NSMCE1: variants seen among roughly 807,000 people sequenced by gnomAD.
The protein encoded by NSMCE1 is NSE1 component of SMC5/6 complex, also known as non-structural maintenance of chromosomes element 1 homolog.
Under a neutral mutation model 29.6 loss-of-function variants are expected in NSMCE1, and 18 were observed. The ratio of observed to expected loss-of-function variants is 0.61; its 90% CI spans 0.42 to 0.90. The LOEUF (loss-of-function observed/expected upper bound fraction) is 0.90. Among genes scored for constraint, NSMCE1 ranks in the 40% least tolerant of loss-of-function variants. NSMCE1 has a pLI of 0.00. For missense variants in NSMCE1, 314 were observed against 343.6 expected, an observed-to-expected ratio of 0.91 and a Z score of 0.68; for synonymous variants, 124 against 133.4, an observed-to-expected ratio of 0.93 and a Z score of 0.49.
chr16:27,234,576 A>C (rs1278070460), intron 3 of NSMCE1, among the ~76,000 whole-genome samples: 1 of 152,268 alleles, frequency 6.6e-6, no homozygotes, highest in Non-Finnish European at 1.5e-5. Flanking sequence ...AGCACTGAGA[A>C]GTCTGATAGC....
intron 2 of NSMCE1, among the ~76,000 whole-genome samples, chr16:27,248,314 C>T (rs1440140376): frequency 6.6e-6 from 1 of 152,048 alleles, no homozygotes; most frequent in Non-Finnish European, 1.5e-5. Context: ...TCCAGTTCCT[C>T]CATGTTCTCA....
intron 5 of NSMCE1, among the ~76,000 whole-genome samples, chr16:27,228,547 T>C (rs1480202698): frequency 7.1e-6 from 1 of 140,342 alleles, no homozygotes; most frequent in African/African-American, 2.8e-5. Flanking sequence ...CCCACCCTCT[T>C]CCACCCTCCC....
intron 5 of NSMCE1, among the ~76,000 whole-genome samples, 161 bp from the exon 6 acceptor site, chr16:27,226,997 G>A (rs1596667847): frequency 6.6e-6 from 1 of 152,274 alleles, no homozygotes; most frequent in East Asian, 1.9e-4. Flanking sequence ...CATCCCCCTG[G>A]CAGAGCCTCG....
chr16:27,237,971 C>T (rs140235637), intron 2 of NSMCE1, among the ~76,000 whole-genome samples: 12 of 152,356 alleles, frequency 7.9e-5, no homozygotes, highest in Admixed American at 2.6e-4. Flanking sequence ...CCACACGCTT[C>T]CTGCATCAGG....
rs1555477430 is a variant in NSMCE1 at position 27,251,207 on chromosome 16, T to TATATATAA, written c.136+6227_136+6228insTTATATAT. ...ATATATATAAATATATATATATATA[T>TATATATAA]AAAACTCTGTAGAGTTCAGACTCCT... On this transcript the variant is annotated intron_variant, in intron 2 of 7. Transcript: ENST00000361439. Among the ~76,000 whole-genome samples, 513 of 70,560 alleles carry TATATATAA rather than the reference T, an allele frequency of 7.3e-3. 7 individuals are homozygous for TATATATAA. Among genetic ancestry groups the TATATATAA allele is most frequent in the South Asian group, 0.015 (27 of 1,786 alleles). 46.3% of individuals were successfully genotyped at this position (70,560 alleles called of 152,430 possible).
intron 6 of NSMCE1, 64 bp downstream of exon 6, chr16:27,226,656 C>A: frequency 9.5e-7 from 1 of 1,055,390 alleles, no homozygotes; most frequent in Non-Finnish European, 1.5e-6. Flanking sequence ...CCGGGAAGTA[C>A]CTGTACAGAG....
intron 2 of NSMCE1, among the ~76,000 whole-genome samples, chr16:27,255,681 G>A (rs1212258980): frequency 2.6e-5 from 4 of 152,060 alleles, no homozygotes; most frequent in Non-Finnish European, 4.4e-5. Context: ...CGTCTAACAC[G>A]CCACCTTCTT....
rs1320177357 is a variant in NSMCE1, at chr16:27,232,104, G to A, written c.483+897C>T. On this transcript the variant is annotated intron_variant, in intron 5 of 7. Coordinates refer to ENST00000361439, the MANE Select transcript of NSMCE1 (RefSeq NM_145080.4). This position sits in a 1 kb window ranked among gnomAD's most constrained non-coding sequence, Gnocchi z 4.5. ...GAACACAGACTTCCCCAACCCAGAC[G>A]CGAGCCTTCCTGAAAAGGAAGCGGA... Among the ~76,000 whole-genome samples, 3 of 152,072 alleles carry A rather than the reference G, an allele frequency of 2.0e-5. No homozygotes were observed. Among genetic ancestry groups the A allele is most frequent in the Non-Finnish European group, 2.9e-5 (2 of 68,016 alleles).
rs1287989161 is a variant in NSMCE1 at position 27,232,287 on chromosome 16, AG to A, written c.483+713del. 6.6e-6 allele frequency among the ~76,000 whole-genome samples: 1 copy of A among 152,068 alleles called. No homozygotes were observed. The highest frequency in any genetic ancestry group is 1.5e-5 in the Non-Finnish European group (1 of 67,980). On this transcript the variant is annotated intron_variant, in intron 5 of 7. Transcript: ENST00000361439. This position sits in a 1 kb window ranked among gnomAD's most constrained non-coding sequence, Gnocchi z 4.5. Reference sequence around the variant, plus strand: ...CGGCAAACACTGAGCTGTTGAAAACAGGGGTGCCTTTTGTGGAAAAAGAACT... The same window carrying A: ...CGGCAAACACTGAGCTGTTGAAAACAGGGTGCCTTTTGTGGAAAAAGAACT...
intron 2 of NSMCE1, among the ~76,000 whole-genome samples, chr16:27,239,235 T>A (rs2083862965): frequency 1.3e-5 from 2 of 152,154 alleles, no homozygotes; most frequent in Admixed American, 6.5e-5. Context: ...ATCCTTATGA[T>A]GTCCACTAAG....
At chr16:27,246,570 C>A (rs2083960737) in intron 2 of NSMCE1, among the ~76,000 whole-genome samples, 1 of 152,146 alleles carries the variant, frequency 6.6e-6, no homozygotes, top group Admixed American at 6.5e-5. Context: ...GGCTCACTGC[C>A]ACCTCTGCCT....
chr16:27,236,460 C>A (rs2083826929), intron 2 of NSMCE1, among the ~76,000 whole-genome samples: 1 of 152,022 alleles, frequency 6.6e-6, no homozygotes, highest in Non-Finnish European at 1.5e-5. Context: ...CCACACCCAG[C>A]TAATTTTTGT....
chr16:27,252,794 C>T (rs893398639), intron 2 of NSMCE1, among the ~76,000 whole-genome samples: 5 of 152,162 alleles, frequency 3.3e-5, no homozygotes, highest in Non-Finnish European at 7.3e-5. Context: ...TGGCTCACGC[C>T]TGTAGTCCCA....
At chr16:27,248,179 G>A (rs2083977977) in intron 2 of NSMCE1, among the ~76,000 whole-genome samples, 1 of 152,018 alleles carries the variant, frequency 6.6e-6, no homozygotes, top group African/African-American at 2.4e-5. Flanking sequence ...CCTTTGTGCG[G>A]GCATATAGCT....
chr16:27,243,540 C>G (rs925181804), intron 2 of NSMCE1, among the ~76,000 whole-genome samples: 1 of 152,220 alleles, frequency 6.6e-6, no homozygotes, highest in South Asian at 2.1e-4. Flanking sequence ...TAAGCCAGAC[C>G]TGCAGGAAGC....
At chr16:27,266,786 G>A (rs1043680219) in intron 1 of NSMCE1, among the ~76,000 whole-genome samples, 5 of 151,788 alleles carry the variant, frequency 3.3e-5, no homozygotes, top group Admixed American at 6.6e-5. Flanking sequence ...ATATTTTCCC[G>A]GATAAACAGA....
chr16:27,235,056 T>G (rs761259859), intron 3 of NSMCE1, 122 bp downstream of exon 3: 1 of 854,698 alleles, frequency 1.2e-6, no homozygotes, highest in African/African-American at 1.7e-5. Context: ...TTCTATACAT[T>G]TGGAGTGACT....
intron 2 of NSMCE1, among the ~76,000 whole-genome samples, chr16:27,251,226 G>A (rs1293233191): frequency 8.0e-6 from 1 of 125,646 alleles, no homozygotes; most frequent in Non-Finnish European, 1.7e-5. Context: ...GTAGAGTTCA[G>A]ACTCCTCACT....
chr16:27,265,887 A>G (rs189970439), intron 1 of NSMCE1, among the ~76,000 whole-genome samples: 28 of 152,308 alleles, frequency 1.8e-4, no homozygotes, highest in Non-Finnish European at 3.5e-4. Flanking sequence ...AAAGCAAAAC[A>G]AGGCAACAAG....
Sources: allele counts gnomAD v4.1 joint callset (sites outside exome capture counted in the v4.1 genomes callset), GRCh38; gene constraint gnomAD v4.1.1; non-coding constraint Gnocchi (gnomAD v3.1); transcripts MANE v1.5; gene names NCBI Gene and HGNC (gene_info 2026-07-23, HGNC 2026-07-21).